Variants in ALK observed in about 807,000 individuals in gnomAD.
ALK encodes the protein ALK tyrosine kinase receptor.
ALK carries 74 observed loss-of-function variants against 163.1 expected under a neutral mutation model. The observed-to-expected ratio is 0.45, with a 90% confidence interval of 0.38 to 0.55. The LOEUF (loss-of-function observed/expected upper bound fraction) is 0.55, where lower values mean the gene tolerates loss of function less well. Among genes scored for constraint, ALK ranks in the 20% least tolerant of loss-of-function variants. ALK has a pLI of 0.00. For synonymous variants in ALK, 960 were observed against 843.2 expected (o/e 1.14, Z -2.40); for missense variants, 2,063 against 2,105.3 (o/e 0.98, Z 0.39).
intron 9 of ALK, among the ~76,000 whole-genome samples, chr2:29,290,546 C>T (rs1410870463): frequency 1.3e-5 from 2 of 152,156 alleles, no homozygotes; most frequent in Admixed American, 1.3e-4. Flanking sequence ...GTGGGGGGCA[C>T]CCCTGGGCCA....
intron 3 of ALK, chr2:29,681,107 T>C (rs1678053501): frequency 6.6e-6 from 1 of 152,182 alleles, no homozygotes; most frequent in East Asian, 1.9e-4. Flanking sequence ...ATCAGCAAAG[T>C]AGTTTTGACC....
intron 3 of ALK, among the ~76,000 whole-genome samples, chr2:29,648,402 A>T (rs981103556): frequency 5.3e-5 from 8 of 152,118 alleles, no homozygotes; most frequent in African/African-American, 1.9e-4. Flanking sequence ...TGGTGGTATT[A>T]AGTACATTCA....
At chr2:29,722,520 C>T (rs182405446) in intron 1 of ALK, among the ~76,000 whole-genome samples, 2 of 152,258 alleles carry the variant, frequency 1.3e-5, no homozygotes, top group Non-Finnish European at 2.9e-5. Flanking sequence ...TCTCCTTGCC[C>T]GACATGTAAG....
intron 11 of ALK, among the ~76,000 whole-genome samples, chr2:29,260,058 C>T (rs561315938): frequency 1.3e-5 from 2 of 152,236 alleles, no homozygotes; most frequent in South Asian, 4.1e-4. Context: ...TCATCTTTTT[C>T]ATTTTAAAAA....
At chr2:29,617,209 G>A (rs974620156) in intron 3 of ALK, among the ~76,000 whole-genome samples, 1 of 152,174 alleles carries the variant, frequency 6.6e-6, no homozygotes, top group Admixed American at 6.5e-5. Flanking sequence ...AAGCTATGAG[G>A]AAATTACACC....
chr2:29,900,778 C>T (rs1032013893), intron 1 of ALK, among the ~76,000 whole-genome samples: 1 of 152,128 alleles, frequency 6.6e-6, no homozygotes, highest in African/African-American at 2.4e-5. Flanking sequence ...AACCCCTCCA[C>T]CTCAAGAGAG....
intron 1 of ALK, among the ~76,000 whole-genome samples, chr2:29,891,938 A>C (rs1205541667): frequency 6.6e-6 from 1 of 152,240 alleles, no homozygotes; most frequent in Non-Finnish European, 1.5e-5. Flanking sequence ...CTTTTGCTTT[A>C]GTAAATGGTG....
chr2:29,561,950 T>C (rs758913554), intron 3 of ALK, among the ~76,000 whole-genome samples: 4 of 152,180 alleles, frequency 2.6e-5, no homozygotes, highest in Non-Finnish European at 4.4e-5. Context: ...CAACAGATAC[T>C]ACTGAGAATC....
intron 3 of ALK, among the ~76,000 whole-genome samples, chr2:29,647,776 T>TTTC (rs10632081): frequency 0.045 from 688 of 15,266 alleles, 4 homozygotes; most frequent in African/African-American, 0.11. Context: ...TGATTTTTTC[T>TTTC]TTTTTTTTTT....
chr2:29,795,250 G>A lies in ALK; in HGVS notation c.668-77553C>T, dbSNP rs564003838. 1.7e-4 allele frequency among the ~76,000 whole-genome samples: 26 copies of A among 152,134 alleles called. No individual in the cohort carries two copies. In the South Asian group the frequency reaches 3.1e-3, roughly 18 times the overall value. ...TTGTTCAGCCTCGCTGGTAAGCAAA[G>A]AATTGTAATTTAAGGTGGCAGTTTT... On this transcript the variant is annotated intron_variant, in intron 1 of 28. Coordinates refer to ENST00000389048, the MANE Select transcript of ALK (RefSeq NM_004304.5).
chr2:29,908,387 C>A (rs1667608023), intron 1 of ALK, among the ~76,000 whole-genome samples: 1 of 152,062 alleles, frequency 6.6e-6, no homozygotes, highest in Admixed American at 6.6e-5. Context: ...GCCAATTGTT[C>A]TTCATCTGGG....
At chr2:29,918,044 C>T (rs944886476) in intron 1 of ALK, among the ~76,000 whole-genome samples, 1 of 152,210 alleles carries the variant, frequency 6.6e-6, no homozygotes, top group Non-Finnish European at 1.5e-5. Flanking sequence ...CTACATAAAC[C>T]TCCCCACTCA....
intron 1 of ALK, among the ~76,000 whole-genome samples, chr2:29,820,493 G>T (rs944268516): frequency 5.9e-5 from 9 of 152,146 alleles, no homozygotes; most frequent in Non-Finnish European, 1.2e-4. Flanking sequence ...TAAGTTTTGG[G>T]GGAATTTGTT....
intron 1 of ALK, among the ~76,000 whole-genome samples, chr2:29,820,601 C>T (rs541276375): frequency 3.9e-5 from 6 of 152,260 alleles, no homozygotes; most frequent in Admixed American, 6.5e-5. Context: ...GGATAGGGAT[C>T]CAGCTGAAAA....
chr2:29,860,171 C>A (rs1435537483), intron 1 of ALK, among the ~76,000 whole-genome samples: 1 of 152,058 alleles, frequency 6.6e-6, no homozygotes, highest in African/African-American at 2.4e-5. Context: ...GAGGCTTATC[C>A]CAGGGGAAGA....
chr2:29,208,166 G>T (rs776118685), intron 25 of ALK: 1 of 405,996 alleles, frequency 2.5e-6, no homozygotes, highest in Non-Finnish European at 5.2e-6. Context: ...TATGTGCAAG[G>T]CTCAGTGACA....
chr2:29,251,219 G>A lies in ALK; in HGVS notation c.2090C>T (p.Thr697Ile), dbSNP rs1339495215. Reference protein sequence around the residue: ...TCGASGPHGPTQAQCNNAYQN... With the variant: ...TCGASGPHGPIQAQCNNAYQN... ...GTAGGCGTTGTTGCACTGTGCCTGG[G>A]TGGGGCCATGGGGCCCGCTGGCCCC... The change falls in exon 12 of 29, where the codon ACC becomes ATC. Residue 697 changes from threonine (T) to isoleucine (I), a missense_variant. This residue lies in a region of ALK where 987 missense variants were observed against 939.5 expected (regional missense o/e 1.05). Transcript: ENST00000389048. 1 of 1,614,120 alleles carries A rather than the reference G, an allele frequency of 6.2e-7. No homozygotes were observed. Among genetic ancestry groups the A allele is most frequent in the South Asian group, 1.1e-5 (1 of 91,064 alleles).
At chr2:29,687,353 T>TAGGC (rs1678268970) in intron 3 of ALK, among the ~76,000 whole-genome samples, 1 of 151,962 alleles carries the variant, frequency 6.6e-6, no homozygotes, top group South Asian at 2.1e-4. Flanking sequence ...GTGCTGTCCC[T>TAGGC]AGGCAGGCAG....
At chr2:29,630,812 C>T (rs1405908988) in intron 3 of ALK, among the ~76,000 whole-genome samples, 2 of 152,096 alleles carry the variant, frequency 1.3e-5, no homozygotes, top group Non-Finnish European at 2.9e-5. Context: ...AGCCTAGTTA[C>T]TTACTGACAT....
Sources: allele counts gnomAD v4.1 joint callset (sites outside exome capture counted in the v4.1 genomes callset), GRCh38; gene constraint gnomAD v4.1.1; regional missense constraint gnomAD v4.1.1; transcripts MANE v1.5; gene names NCBI Gene and HGNC (gene_info 2026-07-23, HGNC 2026-07-21).